DLG1: variants seen among roughly 807,000 people sequenced by gnomAD.
DLG1 encodes the protein discs large MAGUK scaffold protein 1.
A neutral mutation model predicts 123.4 loss-of-function variants in DLG1; 42 were observed. That is an observed-to-expected ratio of 0.34 (90% CI 0.27 to 0.44). The LOEUF (loss-of-function observed/expected upper bound fraction) is 0.44. DLG1 is among the 20% of genes least tolerant of loss of function. The pLI is 1.00. For synonymous variants in DLG1, 317 were observed against 356.2 expected (o/e 0.89, Z 1.24); for missense variants, 942 against 1,082.6 (o/e 0.87, Z 1.82).
chr3:197,146,668 A>C (rs1472525372), intron 6 of DLG1, among the ~76,000 whole-genome samples: 1 of 152,210 alleles, frequency 6.6e-6, no homozygotes, highest in Non-Finnish European at 1.5e-5. Context: ...TCAAAAACTT[A>C]AATCTAAGAC....
chr3:197,269,690 C>G (rs1291829256), intron 4 of DLG1, among the ~76,000 whole-genome samples: 2 of 152,262 alleles, frequency 1.3e-5, no homozygotes, highest in Admixed American at 6.5e-5. Flanking sequence ...ATAAGCTCCA[C>G]GTATTAAGAA....
intron 10 of DLG1, among the ~76,000 whole-genome samples, chr3:197,133,148 G>A (rs976198446): frequency 4.6e-5 from 7 of 152,154 alleles, no homozygotes; most frequent in Non-Finnish European, 8.8e-5. Flanking sequence ...GCTTGTCCAC[G>A]TAACTAGCTT....
rs560136843 is a variant in DLG1 at position 197,088,770 on chromosome 3, A to G, written c.1661+2142T>C. Among the ~76,000 whole-genome samples, 7 of 152,338 alleles carry G rather than the reference A, an allele frequency of 4.6e-5. No individual in the cohort carries two copies. The East Asian group carries it at 1.2e-3, about 25-fold the overall frequency. On this transcript the variant is annotated intron_variant, in intron 15 of 24. Transcript: ENST00000667157. Reference sequence around the variant, plus strand: ...AGTGGTTACTGGAAGATACAGAAAGATATTTAGTAGTAAGAATATGAAAAA... The same window carrying G: ...AGTGGTTACTGGAAGATACAGAAAGGTATTTAGTAGTAAGAATATGAAAAA...
intron 17 of DLG1, among the ~76,000 whole-genome samples, chr3:197,079,751 T>C (rs79487085): frequency 0.051 from 7,714 of 152,232 alleles, 225 homozygotes; most frequent in South Asian, 0.073. Flanking sequence ...GATCACACTA[T>C]ATAATTTGGA....
At chr3:197,151,238 A>C (rs1381708206) in intron 5 of DLG1, among the ~76,000 whole-genome samples, 4 of 152,226 alleles carry the variant, frequency 2.6e-5, no homozygotes, top group Admixed American at 6.5e-5. Flanking sequence ...TAGGATATTT[A>C]AAGTTACAAA....
At chr3:197,139,345 T>C (rs1786777199) in intron 8 of DLG1, among the ~76,000 whole-genome samples, 1 of 152,204 alleles carries the variant, frequency 6.6e-6, no homozygotes, top group Non-Finnish European at 1.5e-5. Context: ...TTTATATCTA[T>C]TTGATTTCAT....
At chr3:197,089,638 T>C (rs62281742) in intron 15 of DLG1, among the ~76,000 whole-genome samples, 25,430 of 152,014 alleles carry the variant, frequency 0.17, 2,349 homozygotes, top group South Asian at 0.34. Context: ...TTCTGATTTT[T>C]ATGCCTTTGT....
At chr3:197,236,386 G>T (rs1745983914) in intron 4 of DLG1, among the ~76,000 whole-genome samples, 1 of 151,958 alleles carries the variant, frequency 6.6e-6, no homozygotes. Flanking sequence ...ATCACCAGAA[G>T]AAATGCATTT....
intron 23 of DLG1, among the ~76,000 whole-genome samples, chr3:197,055,233 G>C (rs891621228): frequency 6.6e-6 from 1 of 152,232 alleles, no homozygotes; most frequent in African/African-American, 2.4e-5. Context: ...TTATAGGCAT[G>C]AGCCACTGCG....
chr3:197,201,032 G>C (rs1225356494), intron 4 of DLG1, among the ~76,000 whole-genome samples: 1 of 152,184 alleles, frequency 6.6e-6, no homozygotes, highest in African/African-American at 2.4e-5. Flanking sequence ...TTAGAAAAGA[G>C]GAAGAAGTGA....
chr3:197,092,232 GA>G (rs2149189355), intron 14 of DLG1, among the ~76,000 whole-genome samples: 1 of 152,244 alleles, frequency 6.6e-6, no homozygotes, highest in African/African-American at 2.4e-5. Flanking sequence ...TTTTTCTAAT[GA>G]AAAATTAGGA....
At chr3:197,298,773 C>T, upstream of DLG1, 1 of 395,486 alleles carries the variant, frequency 2.5e-6, no homozygotes, top group Non-Finnish European at 4.5e-6. Context: ...ACTCTTCGTC[C>T]CTTAGTAATA....
chr3:197,261,492 TAAGG>T (rs1370659446), intron 4 of DLG1, among the ~76,000 whole-genome samples: 1 of 152,178 alleles, frequency 6.6e-6, no homozygotes, highest in Non-Finnish European at 1.5e-5. Flanking sequence ...TAATGCATAA[TAAGG>T]AAGAGTATTA....
At chr3:197,063,266 C>T (rs997832695) in intron 22 of DLG1, among the ~76,000 whole-genome samples, 12 of 150,246 alleles carry the variant, frequency 8.0e-5, no homozygotes, top group Non-Finnish European at 1.6e-4. Flanking sequence ...CCCCATCTTT[C>T]TTTGTTGCTT....
chr3:197,286,203 G>T (rs1286957414), intron 3 of DLG1, among the ~76,000 whole-genome samples: 1 of 152,136 alleles, frequency 6.6e-6, no homozygotes, highest in Non-Finnish European at 1.5e-5. Context: ...TGGTTTTCAG[G>T]AGTTTGTGTG....
chr3:197,249,640 T>C (rs1753415290), intron 4 of DLG1, among the ~76,000 whole-genome samples: 1 of 152,168 alleles, frequency 6.6e-6, no homozygotes, highest in South Asian at 2.1e-4. Context: ...ATACCACTGA[T>C]TATGAAATTA....
chr3:197,288,847 TAC>T (rs1286725656), intron 3 of DLG1, among the ~76,000 whole-genome samples: 1 of 151,288 alleles, frequency 6.6e-6, no homozygotes, highest in East Asian at 1.9e-4. Flanking sequence ...ATATGTATAG[TAC>T]AGAGAAATCA....
At chr3:197,052,176 T>TG (rs1173177402) in intron 23 of DLG1, among the ~76,000 whole-genome samples, 1 of 151,440 alleles carries the variant, frequency 6.6e-6, no homozygotes, top group Non-Finnish European at 1.5e-5. Flanking sequence ...AATAATAGGC[T>TG]GGACATGGTG....
intron 14 of DLG1, among the ~76,000 whole-genome samples, chr3:197,098,143 C>G (rs1274775176): frequency 6.6e-6 from 1 of 152,150 alleles, no homozygotes; most frequent in Non-Finnish European, 1.5e-5. Context: ...GCTTCCTTAG[C>G]CCTGAGTTCC....
Sources: gnomAD v4.1 joint callset for allele counts (sites outside exome capture counted in the v4.1 genomes callset) on GRCh38, gnomAD v4.1.1 for gene constraint, MANE v1.5 for transcripts, NCBI Gene and HGNC (gene_info 2026-07-23, HGNC 2026-07-21) for gene names.